Variants in HPSE2 observed in about 807,000 individuals in gnomAD.
HPSE2 encodes inactive heparanase-2.
Under a neutral mutation model 60.5 loss-of-function variants are expected in HPSE2, and 38 were observed. That is an observed-to-expected ratio of 0.63 (90% CI 0.48 to 0.82). HPSE2 has a LOEUF of 0.82. HPSE2 is among the 40% of genes least tolerant of loss of function. The pLI, the probability that HPSE2 is intolerant of heterozygous loss-of-function variation, is 0.00. For synonymous variants in HPSE2, 295 were observed against 293.2 expected, an observed-to-expected ratio of 1.01 and a Z score of -0.06; for missense variants, 713 against 740.4, an observed-to-expected ratio of 0.96 and a Z score of 0.43.
chr10:99,267,506 G>A, the HPSE2 span, among the ~76,000 whole-genome samples: 39 of 152,066 alleles, frequency 2.6e-4, no homozygotes, highest in South Asian at 1.9e-3. Context: ...CAAACCTGCC[G>A]GGCATGGTGG....
At chr10:99,141,728 G>A (rs565212124) in intron 3 of HPSE2, among the ~76,000 whole-genome samples, 1 of 152,206 alleles carries the variant, frequency 6.6e-6, no homozygotes, top group East Asian at 1.9e-4. Context: ...TGCAGAATAT[G>A]AAGGCATGCC....
intron 3 of HPSE2, among the ~76,000 whole-genome samples, chr10:98,909,485 C>T (rs985573679): frequency 1.4e-4 from 22 of 151,754 alleles, no homozygotes; most frequent in Admixed American, 1.3e-3. Context: ...AAAAAATTAG[C>T]TGGGCGTGGT....
chr10:98,905,100 T>C (rs1223391941), intron 3 of HPSE2, among the ~76,000 whole-genome samples: 1 of 151,968 alleles, frequency 6.6e-6, no homozygotes, highest in Non-Finnish European at 1.5e-5. Flanking sequence ...ATCACATATA[T>C]GGGCTAAATG....
At chr10:98,970,026 A>C (rs1955911677) in intron 3 of HPSE2, among the ~76,000 whole-genome samples, 1 of 151,000 alleles carries the variant, frequency 6.6e-6, no homozygotes, top group African/African-American at 2.4e-5. Flanking sequence ...CAATGGCGTG[A>C]TCTCAGCTCA....
chr10:98,761,870 T>G (rs1363693612), intron 3 of HPSE2, among the ~76,000 whole-genome samples: 1 of 152,218 alleles, frequency 6.6e-6, no homozygotes, highest in East Asian at 1.9e-4. Context: ...TGATAGGCGC[T>G]AAAAGTAGAA....
chr10:99,251,921 C>A, the HPSE2 span, among the ~76,000 whole-genome samples: 1 of 147,424 alleles, frequency 6.8e-6, no homozygotes, highest in African/African-American at 2.5e-5. Flanking sequence ...TGCCTGTAGT[C>A]GCAGCTACTC....
At chr10:98,584,645 T>G (rs1248873475) in intron 9 of HPSE2, among the ~76,000 whole-genome samples, 1 of 152,188 alleles carries the variant, frequency 6.6e-6, no homozygotes, top group Non-Finnish European at 1.5e-5. Context: ...TTAGCTAATC[T>G]TAACTAAGAC....
At chr10:98,985,952 T>C (rs908888834) in intron 3 of HPSE2, among the ~76,000 whole-genome samples, 3 of 152,172 alleles carry the variant, frequency 2.0e-5, no homozygotes, top group South Asian at 2.1e-4. Flanking sequence ...CTATCCTAAA[T>C]ATATATGCAC....
intron 3 of HPSE2, among the ~76,000 whole-genome samples, chr10:99,041,538 C>T (rs533538318): frequency 1.3e-5 from 2 of 152,318 alleles, no homozygotes; most frequent in East Asian, 3.9e-4. Flanking sequence ...GAACTACCCA[C>T]TCAAACCCAG....
chr10:98,471,317 G>C (rs1940771067), intron 11 of HPSE2, among the ~76,000 whole-genome samples: 1 of 152,110 alleles, frequency 6.6e-6, no homozygotes, highest in Non-Finnish European at 1.5e-5. Flanking sequence ...AAAGATTTTG[G>C]TTTAATTGGC....
intron 3 of HPSE2, among the ~76,000 whole-genome samples, chr10:99,141,061 A>G (rs1564840107): frequency 1.3e-5 from 2 of 152,194 alleles, no homozygotes; most frequent in Non-Finnish European, 2.9e-5. Flanking sequence ...CTTCTAATGA[A>G]TTCATTCTTT....
At chr10:98,988,109 A>C (rs1956417714) in intron 3 of HPSE2, among the ~76,000 whole-genome samples, 1 of 152,220 alleles carries the variant, frequency 6.6e-6, no homozygotes, top group African/African-American at 2.4e-5. Flanking sequence ...CCATCAAGCT[A>C]CCAATGACTT....
At chr10:99,238,063 G>A (rs1849901879), upstream of HPSE2, among the ~76,000 whole-genome samples, 1 of 151,942 alleles carries the variant, frequency 6.6e-6, no homozygotes, top group African/African-American at 2.4e-5. Context: ...CATTTTCCTG[G>A]CCATCTCCTT....
intron 3 of HPSE2, among the ~76,000 whole-genome samples, chr10:98,960,730 T>TTTTTTTTTTTG (rs1955647062): frequency 4.0e-5 from 1 of 24,798 alleles, no homozygotes; most frequent in Non-Finnish European, 9.1e-5. Flanking sequence ...TGTTTTATTT[T>TTTTTTTTTTTG]TTTTATTTTA....
intron 3 of HPSE2, among the ~76,000 whole-genome samples, chr10:99,020,462 C>G (rs887572160): frequency 6.6e-6 from 1 of 152,142 alleles, no homozygotes; most frequent in African/African-American, 2.4e-5. Flanking sequence ...ACTCTGTATC[C>G]TAGTGCATTT....
the HPSE2 span, among the ~76,000 whole-genome samples, chr10:99,272,239 C>T: frequency 6.9e-6 from 1 of 145,066 alleles, no homozygotes; most frequent in Non-Finnish European, 1.5e-5. Context: ...CACTGCACTC[C>T]AGCCTGGGCA....
chr10:99,152,866 G>C (rs927736800), intron 2 of HPSE2, among the ~76,000 whole-genome samples: 1 of 152,242 alleles, frequency 6.6e-6, no homozygotes. Context: ...GGGAGTGCCA[G>C]ACAGTGGGCG....
intron 3 of HPSE2, among the ~76,000 whole-genome samples, chr10:98,871,167 T>C (rs1952722169): frequency 6.6e-6 from 1 of 152,112 alleles, no homozygotes; most frequent in Admixed American, 6.6e-5. Context: ...TTTATGGCAA[T>C]GCAGATAGTG....
chr10:98,555,076 T>C (rs1943966093), intron 9 of HPSE2, among the ~76,000 whole-genome samples: 1 of 152,204 alleles, frequency 6.6e-6, no homozygotes, highest in Non-Finnish European at 1.5e-5. Flanking sequence ...TAAAATAACT[T>C]CCTATGCCAC....
Sources: gnomAD v4.1 joint callset for allele counts (sites outside exome capture counted in the v4.1 genomes callset) on GRCh38, gnomAD v4.1.1 for gene constraint, MANE v1.5 for transcripts, NCBI Gene and HGNC (gene_info 2026-07-23, HGNC 2026-07-21) for gene names.